Variants in CCDC88C observed in about 807,000 individuals in gnomAD.
CCDC88C encodes protein Daple.
Under a neutral mutation model 198.8 loss-of-function variants are expected in CCDC88C, and 131 were observed. That is an observed-to-expected ratio of 0.66 (90% CI 0.57 to 0.76). The LOEUF is 0.76. CCDC88C is among the 30% of genes least tolerant of loss of function. The pLI is 0.00. For missense variants in CCDC88C, 2,553 were observed against 2,631.6 expected (o/e 0.97, Z 0.65); for synonymous variants, 1,166 against 1,114.7 (o/e 1.05, Z -0.92).
At chr14:91,290,661 G>C (rs1890623417) in intron 24 of CCDC88C, among the ~76,000 whole-genome samples, 1 of 152,252 alleles carries the variant, frequency 6.6e-6, no homozygotes, top group East Asian at 1.9e-4. Flanking sequence ...TGGGTGTCCA[G>C]GTCATGTTTA....
At position 91,398,952 on chromosome 14, in the gene CCDC88C, C is replaced by T. The variant is rs1473151768; in HGVS notation, c.270+9707G>A. On this transcript the variant is annotated intron_variant, in intron 3 of 29. Coordinates refer to ENST00000389857, the MANE Select transcript of CCDC88C (RefSeq NM_001080414.4). The stretch of plus-strand genomic sequence containing the variant: ...CTCCAGGTGGGCACTGAGCCGCCCA[C>T]AGCTGAGTGGTCTCCTGGGCCTCGG... Among the ~76,000 whole-genome samples, 3 of 152,298 alleles carry T rather than the reference C, an allele frequency of 2.0e-5. No individual in the cohort carries two copies. In the East Asian group the frequency reaches 5.8e-4, roughly 29 times the overall value.
intron 3 of CCDC88C, among the ~76,000 whole-genome samples, chr14:91,361,381 C>T (rs1894298898): frequency 6.6e-6 from 1 of 152,176 alleles, no homozygotes; most frequent in South Asian, 2.1e-4. Context: ...ACCCACATGG[C>T]CCGAGTGCGT....
chr14:91,336,655 C>T (rs1486419117), intron 10 of CCDC88C, among the ~76,000 whole-genome samples: 2 of 152,242 alleles, frequency 1.3e-5, no homozygotes, highest in Admixed American at 6.5e-5. Context: ...ACCCTCCCCA[C>T]CCCTCGCCCA....
chr14:91,324,498 G>A (rs1182667599), intron 12 of CCDC88C, among the ~76,000 whole-genome samples: 1 of 152,276 alleles, frequency 6.6e-6, no homozygotes, highest in African/African-American at 2.4e-5. Context: ...GGGTGTCAGT[G>A]CACTATAATC....
Position 91,352,217 on chromosome 14 carries a change from C to T in CCDC88C, c.340+7425G>A, listed in dbSNP as rs1445081663. Among the ~76,000 whole-genome samples the T allele has an allele frequency of 2.6e-5, 4 of 152,228 alleles. No individual in the cohort carries two copies. The highest frequency in any genetic ancestry group is 6.5e-5 in the Admixed American group (1 of 15,290). On this transcript the variant is annotated intron_variant, in intron 4 of 29. Transcript: ENST00000389857. This position sits in a 1 kb window ranked among gnomAD's most constrained non-coding sequence, Gnocchi z 4.2. ...GCCATGGTGTGGCTGTTGCAGCCAG[C>T]GGCGTTCTCTGTGTGCCTGGGCCAT...
rs1464812740 is a variant in CCDC88C at position 91,278,193 on chromosome 14, T to C, written c.4787A>G (p.His1596Arg). 7 of 1,606,836 alleles carry C rather than the reference T, an allele frequency of 4.4e-6. No individual in the cohort carries two copies. The highest frequency in any genetic ancestry group is 4.5e-5 in the East Asian group (2 of 44,750). Residue 1596 changes from histidine to arginine, a missense_variant, in exon 29 of 30, where the codon CAT becomes CGT. Physicochemically the swap from His to Arg is conservative, Grantham distance 29. Coordinates refer to ENST00000389857, the MANE Select transcript of CCDC88C (RefSeq NM_001080414.4). ...LNLKGSSEQL[H>R]GRSESFSSED... The stretch of plus-strand genomic sequence containing the variant: ...GCTGCTGAAGCTCTCAGACCGGCCA[T>C]GGAGCTGCTCGGAGGAGCCTGGGTG...
chr14:91,348,987 G>A (rs773957089), intron 4 of CCDC88C, among the ~76,000 whole-genome samples: 102 of 152,274 alleles, frequency 6.7e-4, no homozygotes, highest in Non-Finnish European at 7.1e-4. Flanking sequence ...ATGAGAAGCC[G>A]ATGCCCAATT....
intron 20 of CCDC88C, among the ~76,000 whole-genome samples, chr14:91,302,773 A>G: frequency 6.6e-6 from 1 of 152,202 alleles, no homozygotes; most frequent in East Asian, 1.9e-4. Context: ...CCATAATTAA[A>G]GGTTAAAAAT....
At chr14:91,329,391 T>A (rs963153141) in intron 10 of CCDC88C, among the ~76,000 whole-genome samples, 2 of 152,188 alleles carry the variant, frequency 1.3e-5, no homozygotes, top group Non-Finnish European at 2.9e-5. Context: ...CCTGATTAAG[T>A]ATGATGTGAC....
In CCDC88C at chr14:91,352,041, G is replaced by A. The variant is rs546752840; in HGVS notation, c.340+7601C>T. On this transcript the variant is annotated intron_variant, in intron 4 of 29. Coordinates refer to ENST00000389857, the MANE Select transcript of CCDC88C (RefSeq NM_001080414.4). This position sits in a 1 kb window ranked among gnomAD's most constrained non-coding sequence, Gnocchi z 4.2. ...TTGAGACTCAAGTTTGCCCTGGGAA[G>A]GGGCGAGGAGCTAGGGCAGGCAGGG... Among the ~76,000 whole-genome samples, 12 of 152,378 alleles carry A rather than the reference G, an allele frequency of 7.9e-5. No individual in the cohort carries two copies. The highest frequency in any genetic ancestry group is 1.5e-4 in the Non-Finnish European group (10 of 68,048).
At chr14:91,379,774 C>T (rs1179585275) in intron 3 of CCDC88C, 14 of 698,832 alleles carry the variant, frequency 2.0e-5, no homozygotes, top group African/African-American at 1.4e-4. Context: ...GGGCCTCCTG[C>T]GGGGGTGTCT....
At chr14:91,324,250 G>A (rs368265914) in intron 12 of CCDC88C, among the ~76,000 whole-genome samples, 3 of 152,380 alleles carry the variant, frequency 2.0e-5, no homozygotes, top group Middle Eastern at 3.4e-3. Flanking sequence ...CAGGAGGGAA[G>A]AGGGAAAGGG....
At chr14:91,291,631 G>A (rs1034232434) in intron 23 of CCDC88C, among the ~76,000 whole-genome samples, 8 of 152,176 alleles carry the variant, frequency 5.3e-5, no homozygotes, top group South Asian at 2.1e-4. Flanking sequence ...AACCAGGGGC[G>A]CTAGTGGGGA....
At chr14:91,359,759 A>G in intron 3 of CCDC88C, 48 bp from the exon 4 acceptor site, 1 of 1,505,250 alleles carries the variant, frequency 6.6e-7, no homozygotes. Flanking sequence ...CGGAAACAAA[A>G]ATAAAGAGGG....
chr14:91,375,808 GT>G (rs1395990705), intron 3 of CCDC88C, among the ~76,000 whole-genome samples: 1 of 152,142 alleles, frequency 6.6e-6, no homozygotes, highest in Non-Finnish European at 1.5e-5. Context: ...CTCAGGGCGA[GT>G]GGGGGGCAAA....
At chr14:91,297,550 C>T in intron 21 of CCDC88C, 59 bp from the exon 22 acceptor site, 2 of 1,512,420 alleles carry the variant, frequency 1.3e-6, no homozygotes, top group South Asian at 1.2e-5. Context: ...CAGGTAACGG[C>T]CCAGAGACCT....
chr14:91,396,053 C>T (rs1488370594), intron 3 of CCDC88C, among the ~76,000 whole-genome samples: 5 of 152,290 alleles, frequency 3.3e-5, no homozygotes, highest in East Asian at 1.9e-4. Flanking sequence ...AAAAATAAGA[C>T]GACAATTATA....
At chr14:91,374,187 C>A (rs768366644) in intron 3 of CCDC88C, among the ~76,000 whole-genome samples, 1 of 152,204 alleles carries the variant, frequency 6.6e-6, no homozygotes, top group Non-Finnish European at 1.5e-5. Flanking sequence ...CACCCTCCCC[C>A]ATCTACAGTG....
At chr14:91,324,135 C>CGGGGCTGAGGCTTCCTGCGCAG (rs1892477082) in intron 12 of CCDC88C, among the ~76,000 whole-genome samples, 1 of 152,238 alleles carries the variant, frequency 6.6e-6, no homozygotes, top group Non-Finnish European at 1.5e-5. Flanking sequence ...CATTGTTTGC[C>CGGGGCTGAGGCTTCCTGCGCAG]GGGGCTGAGG....
Sources: gnomAD v4.1 joint callset for allele counts (sites outside exome capture counted in the v4.1 genomes callset) on GRCh38, gnomAD v4.1.1 for gene constraint, Gnocchi (gnomAD v3.1) non-coding constraint, MANE v1.5 for transcripts, NCBI Gene and HGNC (gene_info 2026-07-23, HGNC 2026-07-21) for gene names.